The following TMEM135 variants were observed in gnomAD, a reference collection of about 807,000 sequenced individuals.
TMEM135 encodes transmembrane protein 135.
Under a neutral mutation model 60.3 loss-of-function variants are expected in TMEM135, and 30 were observed. The observed-to-expected ratio is 0.50, with a 90% confidence interval of 0.37 to 0.68. The LOEUF (loss-of-function observed/expected upper bound fraction) is 0.68, where lower values mean the gene tolerates loss of function less well. Ranked by LOEUF, TMEM135 falls within the 30% of genes least tolerant of loss-of-function variation. TMEM135 has a pLI of 0.00. For synonymous variants in TMEM135, 190 were observed against 186.7 expected (o/e 1.02, Z -0.14); for missense variants, 468 against 548.8 (o/e 0.85, Z 1.47).
intron 4 of TMEM135, among the ~76,000 whole-genome samples, chr11:87,108,462 A>T (rs377024068): frequency 6.6e-6 from 1 of 151,542 alleles, no homozygotes; most frequent in Admixed American, 6.6e-5. Flanking sequence ...TCTCTCTTAG[A>T]CTAGCTAAGG....
At chr11:87,163,422 G>T (rs61905568) in intron 5 of TMEM135, among the ~76,000 whole-genome samples, 40,922 of 130,724 alleles carry the variant, frequency 0.31, 6,742 homozygotes, top group East Asian at 0.6. Context: ...CACATTTTCT[G>T]AATCCAGTCT....
intron 14 of TMEM135, among the ~76,000 whole-genome samples, chr11:87,320,350 G>A (rs1942800107): frequency 6.6e-6 from 1 of 152,106 alleles, no homozygotes; most frequent in Admixed American, 6.6e-5. Flanking sequence ...CCATGTCACT[G>A]TAGATCCTTT....
At chr11:87,051,391 C>T (rs1437987169) in intron 1 of TMEM135, among the ~76,000 whole-genome samples, 2 of 30,776 alleles carry the variant, frequency 6.5e-5, no homozygotes, top group Non-Finnish European at 9.3e-5. Context: ...TGTTTGCAGA[C>T]GACATGATTG....
rs1309035613 is a variant in TMEM135, at chr11:87,324,133, T to G, written c.*2800T>G. 1.1e-5 allele frequency: 5 copies of G among 453,992 alleles called. No homozygotes were observed. Among genetic ancestry groups the G allele is most frequent in the African/African-American group, 1.0e-4 (5 of 50,010 alleles). The allele number at this position is 453,992 out of a possible 1,614,324, so 28.1% of individuals were successfully genotyped here. ...AGTGTTCGTCTCCTTGTAGATTGTA[T>G]CTAGGCTAACATTTCATTTAGTTGT... is the stretch of plus-strand genomic sequence containing the variant. On this transcript the variant is annotated 3_prime_UTR_variant, in exon 15 of 15. Transcript: ENST00000305494.
At position 87,149,413 on chromosome 11, in the gene TMEM135, G is replaced by C. The variant is rs141099493; in HGVS notation, c.397-7928G>C. ...TATTCTTCTAATTCAGAGAGGGAGA[G>C]GGAAGGGGAAGAGAAAAGGGGAAAA... is the stretch of plus-strand genomic sequence containing the variant. On this transcript the variant is annotated intron_variant, in intron 4 of 14. Coordinates refer to ENST00000305494, the MANE Select transcript of TMEM135 (RefSeq NM_022918.4). Among the ~76,000 whole-genome samples the C allele has an allele frequency of 7.2e-5, 11 of 152,272 alleles. No homozygotes were observed. In the East Asian group the frequency reaches 2.1e-3, roughly 29 times the overall value.
chr11:87,133,530 A>C (rs1191576477), intron 4 of TMEM135, among the ~76,000 whole-genome samples: 1 of 152,222 alleles, frequency 6.6e-6, no homozygotes, highest in Non-Finnish European at 1.5e-5. Flanking sequence ...CCTCTTTACA[A>C]AACCAGTTTA....
intron 6 of TMEM135, among the ~76,000 whole-genome samples, chr11:87,295,298 GA>G (rs1942329978): frequency 2.0e-5 from 3 of 152,120 alleles, no homozygotes; most frequent in African/African-American, 4.8e-5. Context: ...TAAAACTGTT[GA>G]ACTAAACTTG....
intron 6 of TMEM135, among the ~76,000 whole-genome samples, chr11:87,256,943 T>C (rs930963740): frequency 6.6e-6 from 1 of 152,128 alleles, no homozygotes; most frequent in Admixed American, 6.5e-5. Context: ...TATGTGTATA[T>C]GTGTATATAT....
At chr11:87,149,214 A>G (rs1938490782) in intron 4 of TMEM135, among the ~76,000 whole-genome samples, 1 of 152,174 alleles carries the variant, frequency 6.6e-6, no homozygotes, top group Non-Finnish European at 1.5e-5. Context: ...TCTAAACTGA[A>G]TCTTTCTATT....
intron 4 of TMEM135, among the ~76,000 whole-genome samples, chr11:87,135,193 T>C (rs1301479952): frequency 6.6e-6 from 1 of 152,116 alleles, no homozygotes; most frequent in Non-Finnish European, 1.5e-5. Context: ...GCTTCTTTTT[T>C]CATTCTCTAA....
At chr11:87,133,708 CT>C (rs1938004323) in intron 4 of TMEM135, among the ~76,000 whole-genome samples, 2 of 152,174 alleles carry the variant, frequency 1.3e-5, no homozygotes, top group Non-Finnish European at 2.9e-5. Context: ...CTCCCTCCCA[CT>C]TTCCCAAACA....
chr11:87,065,203 T>A (rs954265888), intron 1 of TMEM135, among the ~76,000 whole-genome samples: 4 of 152,210 alleles, frequency 2.6e-5, no homozygotes, highest in Non-Finnish European at 5.9e-5. Context: ...CAGAGATAAA[T>A]ACCCCAGGAC....
At chr11:87,302,163 G>T in intron 7 of TMEM135, 133 bp from the exon 8 acceptor site, 1 of 957,862 alleles carries the variant, frequency 1.0e-6, no homozygotes, top group Non-Finnish European at 1.5e-6. Context: ...TTGATTTTAT[G>T]TAAATTGTGA....
At chr11:87,267,955 G>T (rs1359958716) in intron 6 of TMEM135, among the ~76,000 whole-genome samples, 1 of 152,012 alleles carries the variant, frequency 6.6e-6, no homozygotes, top group Admixed American at 6.6e-5. Context: ...GCTTCCTAAA[G>T]TGTTGGGATT....
chr11:87,117,996 A>C (rs1857934419), intron 4 of TMEM135, among the ~76,000 whole-genome samples: 2 of 152,354 alleles, frequency 1.3e-5, no homozygotes, highest in African/African-American at 2.4e-5. Flanking sequence ...TTGTATTAGC[A>C]GGCATGAGAA....
chr11:87,098,700 T>TA (rs1233305836), intron 4 of TMEM135, among the ~76,000 whole-genome samples: 2 of 151,034 alleles, frequency 1.3e-5, no homozygotes, highest in South Asian at 2.1e-4. Context: ...TATATATATA[T>TA]TTTTTTGAGA....
intron 6 of TMEM135, among the ~76,000 whole-genome samples, chr11:87,272,842 T>C (rs916158351): frequency 2.0e-5 from 3 of 152,324 alleles, no homozygotes; most frequent in Middle Eastern, 3.4e-3. Flanking sequence ...CAATGTCTCT[T>C]TTGAGGATTT....
Position 87,159,131 on chromosome 11 carries a change from C to G in TMEM135, c.462+1725C>G, listed in dbSNP as rs542101763. ...AATAGCTGGCTTTTGATCAATTTTT[C>G]TACTAATTATTAGGTGTTGTTCCAT... On this transcript the variant is annotated intron_variant, in intron 5 of 14. Transcript: ENST00000305494. Among the ~76,000 whole-genome samples the G allele has an allele frequency of 2.0e-5, 3 of 152,250 alleles. No homozygotes were observed. The Middle Eastern group carries it at 0.01, about 518-fold the overall frequency.
intron 4 of TMEM135, among the ~76,000 whole-genome samples, chr11:87,125,982 CT>C (rs1393832037): frequency 2.0e-5 from 3 of 152,036 alleles, no homozygotes; most frequent in Non-Finnish European, 1.5e-5. Flanking sequence ...GAACATATAC[CT>C]TTTATTTCCC....
Sources: allele counts gnomAD v4.1 joint callset (sites outside exome capture counted in the v4.1 genomes callset), GRCh38; gene constraint gnomAD v4.1.1; transcripts MANE v1.5; gene names NCBI Gene and HGNC (gene_info 2026-07-23, HGNC 2026-07-21).